The following PRKDC variants were observed in gnomAD, a reference collection of about 807,000 sequenced individuals.
PRKDC encodes protein kinase, DNA-activated, catalytic subunit.
A neutral mutation model predicts 486.9 loss-of-function variants in PRKDC; 82 were observed. That is an observed-to-expected ratio of 0.17 (90% CI 0.14 to 0.20). PRKDC has a LOEUF of 0.20. Ranked by LOEUF, PRKDC falls within the 10% of genes least tolerant of loss-of-function variation. The probability of loss-of-function intolerance (pLI) is 1.00; values close to 1 mark genes in which losing one functional copy is unlikely to be tolerated. For synonymous variants in PRKDC, 1,895 were observed against 1,837.0 expected (o/e 1.03, Z -0.81); for missense variants, 4,504 against 5,038.2 (o/e 0.89, Z 3.21).
chr8:47,914,787 C>T (rs752474693), intron 23 of PRKDC, among the ~76,000 whole-genome samples: 2 of 126,806 alleles, frequency 1.6e-5, no homozygotes, highest in Non-Finnish European at 3.1e-5. Flanking sequence ...GGCAACAGAG[C>T]GAGGGGAAAA....
At chr8:47,929,412 T>C (rs1296142475) in intron 18 of PRKDC, among the ~76,000 whole-genome samples, 1 of 152,226 alleles carries the variant, frequency 6.6e-6, no homozygotes, top group Non-Finnish European at 1.5e-5. Context: ...GTCCATTCCC[T>C]CTTCCTCATC....
At chr8:47,907,679 C>T (rs1036179000) in intron 25 of PRKDC, among the ~76,000 whole-genome samples, 3 of 151,570 alleles carry the variant, frequency 2.0e-5, no homozygotes, top group South Asian at 2.1e-4. Context: ...GGATTACAGG[C>T]GTCCACCACC....
At chr8:47,777,531 CA>C (rs1215908743) in intron 84 of PRKDC, among the ~76,000 whole-genome samples, 154 bp downstream of exon 84, 1 of 152,072 alleles carries the variant, frequency 6.6e-6, no homozygotes, top group Non-Finnish European at 1.5e-5. Flanking sequence ...TTCAAGCAGA[CA>C]ATCCTAAATA....
In PRKDC at chr8:47,828,195, G is replaced by C; in HGVS notation, c.8550C>G (p.Phe2850Leu). The C allele has an allele frequency of 6.2e-7, 1 of 1,613,742 alleles. No homozygotes were observed. Among genetic ancestry groups the C allele is most frequent in the Non-Finnish European group, 8.5e-7 (1 of 1,179,744 alleles). ...FNRFLNTTFSFFPPFVSCIQD... is the reference protein window; with the variant it reads ...FNRFLNTTFSLFPPFVSCIQD... ...GAATACAAGAGACAAAGGGTGGAAAGAAAGAGAAGGTGGTATTAAGAAAAC... is the reference window on the plus strand; with the variant it reads ...GAATACAAGAGACAAAGGGTGGAAACAAAGAGAAGGTGGTATTAAGAAAAC... The change falls in exon 62 of 86, where the codon TTC becomes TTG. Residue 2850 changes from phenylalanine (F) to leucine (L), a missense_variant. Physicochemically the swap from Phe to Leu is conservative, Grantham distance 22. Around this residue, in one of 6 missense-constraint regions of PRKDC, gnomAD observed 1,592 missense variants for 1,724.6 expected, o/e 0.92. Coordinates refer to ENST00000314191, the MANE Select transcript of PRKDC (RefSeq NM_006904.7).
At chr8:47,942,316 A>G (rs977440679) in intron 10 of PRKDC, among the ~76,000 whole-genome samples, 4 of 152,232 alleles carry the variant, frequency 2.6e-5, no homozygotes, top group African/African-American at 9.6e-5. Flanking sequence ...TTCAGGGGGA[A>G]CACAAGTCTG....
Position 47,874,110 on chromosome 8 carries a change from AT to A in PRKDC, c.5363+3613del, listed in dbSNP as rs1177232821. ...AGGCGCCCACCACCACGCCCGGCTAATTTTTTTTTTTTGTATTTTTAGTAGA... is the reference window on the plus strand; with the variant it reads ...AGGCGCCCACCACCACGCCCGGCTAATTTTTTTTTTTGTATTTTTAGTAGA... On this transcript the variant is annotated intron_variant, in intron 40 of 85. Coordinates refer to ENST00000314191, the MANE Select transcript of PRKDC (RefSeq NM_006904.7). Among the ~76,000 whole-genome samples the A allele has an allele frequency of 1.5e-3, 215 of 143,430 alleles. 1 individual carries two copies. The highest frequency in any genetic ancestry group is 1.5e-3 in the African/African-American group (58 of 39,312). The allele number at this position is 143,430 out of a possible 152,430, so 94.1% of individuals were successfully genotyped here. A position where few individuals can be genotyped will look rare whatever the true frequency, so the allele number is the denominator to read the frequency against.
chr8:47,943,410 C>A, intron 9 of PRKDC, 44 bp from the exon 10 acceptor site: 1 of 1,541,838 alleles, frequency 6.5e-7, no homozygotes, highest in South Asian at 1.3e-5. Context: ...GACGACATAA[C>A]ACAGAACAGA....
chr8:47,889,197 G>A lies in PRKDC; in HGVS notation c.4097C>T (p.Thr1366Ile). The stretch of plus-strand genomic sequence containing the variant: ...CTGCACCAGGACTCTCATCAGGTGT[G>A]TATTACACAAGTCCTTCTTCAGGAG... ...WKLLKKDLCN[T>I]HLMRVLVQTL... Residue 1366 changes from threonine to isoleucine, a missense_variant, in exon 33 of 86, where the codon ACA (threonine) becomes ATA (isoleucine). Physicochemically the swap from Thr to Ile is moderately conservative, Grantham distance 89. Coordinates refer to ENST00000314191, the MANE Select transcript of PRKDC (RefSeq NM_006904.7). The A allele has an allele frequency of 1.2e-6, 2 of 1,611,122 alleles. No homozygotes were observed. Among genetic ancestry groups the A allele is most frequent in the Non-Finnish European group, 1.7e-6 (2 of 1,178,662 alleles).
intron 19 of PRKDC, among the ~76,000 whole-genome samples, chr8:47,928,434 C>T (rs1004227960): frequency 1.3e-5 from 2 of 152,020 alleles, no homozygotes; most frequent in South Asian, 2.1e-4. Context: ...ATTACAGGCA[C>T]GAACCAAAGT....
chr8:47,912,647 T>C (rs539438611), intron 24 of PRKDC, 85 bp from the exon 25 acceptor site: 3 of 1,343,360 alleles, frequency 2.2e-6, no homozygotes, highest in South Asian at 4.0e-5. Context: ...ATTTAGCCTT[T>C]AAGAAGAAAA....
chr8:47,815,462 A>G (rs2087423491), intron 68 of PRKDC, among the ~76,000 whole-genome samples: 1 of 152,230 alleles, frequency 6.6e-6, no homozygotes, highest in African/African-American at 2.4e-5. Flanking sequence ...ACCTAAAACC[A>G]TAACATTTCT....
At chr8:47,919,658 A>T (rs1416364775) in intron 21 of PRKDC, among the ~76,000 whole-genome samples, 1 of 151,270 alleles carries the variant, frequency 6.6e-6, no homozygotes, top group African/African-American at 2.4e-5. Context: ...TTTCCTTTCT[A>T]TAAGATGTTA....
chr8:47,888,387 G>A, intron 34 of PRKDC, 131 bp downstream of exon 34: 1 of 712,804 alleles, frequency 1.4e-6, no homozygotes, highest in Middle Eastern at 4.3e-4. Context: ...TACATGTCTT[G>A]AGCAAGTATT....
At chr8:47,914,850 C>T (rs1358765788) in intron 23 of PRKDC, among the ~76,000 whole-genome samples, 1 of 151,730 alleles carries the variant, frequency 6.6e-6, no homozygotes, top group Non-Finnish European at 1.5e-5. Context: ...CAGCTTCTTG[C>T]CATGTTGTTG....
At chr8:47,850,635 G>A (rs1217375513) in intron 52 of PRKDC, among the ~76,000 whole-genome samples, 2 of 152,116 alleles carry the variant, frequency 1.3e-5, no homozygotes, top group Non-Finnish European at 2.9e-5. Flanking sequence ...CAATTAATCA[G>A]ATGTCTTTTT....
chr8:47,867,432 G>GA (rs1415385117), intron 40 of PRKDC, among the ~76,000 whole-genome samples: 1 of 152,150 alleles, frequency 6.6e-6, no homozygotes, highest in African/African-American at 2.4e-5. Context: ...CACACATCAA[G>GA]AAAAAACTAC....
intron 21 of PRKDC, among the ~76,000 whole-genome samples, chr8:47,919,975 A>C (rs1287721113): frequency 6.6e-6 from 1 of 152,182 alleles, no homozygotes; most frequent in Non-Finnish European, 1.5e-5. Flanking sequence ...AAAATAACTT[A>C]AGGCGTTCCT....
intron 60 of PRKDC, 92 bp downstream of exon 60, chr8:47,831,722 G>T: frequency 7.4e-7 from 1 of 1,350,832 alleles, no homozygotes; most frequent in African/African-American, 1.4e-5. Context: ...GGTGACATTG[G>T]AGGCAGTGTC....
At chr8:47,952,559 G>A (rs1285718418) in intron 7 of PRKDC, among the ~76,000 whole-genome samples, 1 of 152,118 alleles carries the variant, frequency 6.6e-6, no homozygotes, top group Non-Finnish European at 1.5e-5. Context: ...ACACGTGACA[G>A]AATTACACAA....
Sources: gnomAD v4.1 joint callset for allele counts (sites outside exome capture counted in the v4.1 genomes callset) on GRCh38, gnomAD v4.1.1 for gene constraint, gnomAD v4.1.1 regional missense constraint, MANE v1.5 for transcripts, NCBI Gene and HGNC (gene_info 2026-07-23, HGNC 2026-07-21) for gene names.